The following KRT86 variants were observed in gnomAD, a reference collection of about 807,000 sequenced individuals.
KRT86 encodes the protein keratin, type II cuticular Hb6.
In KRT86, 30 loss-of-function variants were observed where a neutral mutation model predicts 41.2. The ratio of observed to expected loss-of-function variants is 0.73; its 90% CI spans 0.54 to 0.99. The LOEUF (loss-of-function observed/expected upper bound fraction) is 0.99. Ranked by LOEUF, KRT86 falls within the 50% of genes least tolerant of loss-of-function variation. The probability of loss-of-function intolerance (pLI) is 0.00; values close to 1 mark genes in which losing one functional copy is unlikely to be tolerated. For missense variants in KRT86, 561 were observed against 571.4 expected, an observed-to-expected ratio of 0.98 and a Z score of 0.19; for synonymous variants, 238 against 238.1, an observed-to-expected ratio of 1.00 and a Z score of 0.00.
intron 3 of KRT86, among the ~76,000 whole-genome samples, chr12:52,302,845 G>A (rs1256500448): frequency 2.9e-5 from 4 of 139,502 alleles, no homozygotes; most frequent in South Asian, 2.3e-4. Flanking sequence ...GGGGGGTGGG[G>A]GGGGGGTCAC....
At chr12:52,305,811 G>A (rs1223357925) in intron 8 of KRT86, 23 bp downstream of exon 8, 3 of 1,613,958 alleles carry the variant, frequency 1.9e-6, no homozygotes, top group Non-Finnish European at 2.5e-6. Context: ...TGTGCCCAAG[G>A]TCAGAGAGAC....
chr12:52,301,988 C>A lies in KRT86; in HGVS notation c.72C>A (p.Arg24=), dbSNP rs1938392560. ...CGGCCTGCGGGCCCCGGCCCGGCCG[C>A]TGCTGCATCACCGCCGCCCCCTACC... ...CISACGPRPG[R]CCITAAPYRG... is the part of the protein sequence containing the mutation. The change falls in exon 3 of 11, where the codon CGC becomes CGA. Residue 24 remains arginine (R), a synonymous_variant. Transcript: ENST00000423955. 1.2e-6 allele frequency: 2 copies of A among 1,613,084 alleles called. No individual in the cohort carries two copies. The highest frequency in any genetic ancestry group is 3.3e-5 in the Admixed American group (2 of 59,958).
At chr12:52,294,093 C>A (rs1169148311) in intron 2 of KRT86, among the ~76,000 whole-genome samples, 2 of 152,198 alleles carry the variant, frequency 1.3e-5, no homozygotes, top group African/African-American at 4.8e-5. Flanking sequence ...CCTGCTGTCC[C>A]TTTGTGAGTT....
intron 2 of KRT86, among the ~76,000 whole-genome samples, chr12:52,298,998 A>G (rs1331283925): frequency 6.6e-6 from 1 of 152,204 alleles, no homozygotes; most frequent in African/African-American, 2.4e-5. Context: ...GAAATACACA[A>G]TAAATGATTA....
In KRT86 at chr12:52,308,507, CGTG is replaced by C. The variant is rs1938570445; in HGVS notation, c.1391_1393del (p.Val464del). The C allele has an allele frequency of 6.2e-7, 1 of 1,607,190 alleles. No individual in the cohort carries two copies. Among genetic ancestry groups the C allele is most frequent in the African/African-American group, 1.3e-5 (1 of 74,944 alleles). Reference sequence around the variant, plus strand: ...TCAGTAGCGTCCCCAGCAACAGCAACGTGGTGGTGGGCACTACTAACGCCTGCG... The same window carrying C: ...TCAGTAGCGTCCCCAGCAACAGCAACGTGGTGGGCACTACTAACGCCTGCG... On this transcript the variant is annotated inframe_deletion, in exon 11 of 11. Coordinates refer to ENST00000423955, the MANE Select transcript of KRT86 (RefSeq NM_001320198.2).
At chr12:52,298,623 G>T (rs1044207349) in intron 2 of KRT86, among the ~76,000 whole-genome samples, 1 of 152,148 alleles carries the variant, frequency 6.6e-6, no homozygotes, top group African/African-American at 2.4e-5. Flanking sequence ...TATGAGGTGG[G>T]TACTATTATT....
chr12:52,282,275 C>A (rs186878044), intron 2 of KRT86, among the ~76,000 whole-genome samples: 5 of 151,330 alleles, frequency 3.3e-5, no homozygotes, highest in African/African-American at 1.2e-4. Context: ...CTCTGTCGCC[C>A]AGGCTGGACT....
chr12:52,288,793 G>T (rs2078034373), intron 2 of KRT86, among the ~76,000 whole-genome samples: 1 of 151,974 alleles, frequency 6.6e-6, no homozygotes, highest in Non-Finnish European at 1.5e-5. Context: ...TGCTCCAAGA[G>T]CCCAGTGGCT....
At chr12:52,287,887 T>G (rs1252427285) in intron 2 of KRT86, 1 of 1,607,974 alleles carries the variant, frequency 6.2e-7, no homozygotes, top group Non-Finnish European at 8.5e-7. Context: ...TTCTCATCCC[T>G]AGGGACCAGC....
chr12:52,301,736 G>A (rs999372696), intron 2 of KRT86, 177 bp from the exon 3 acceptor site: 10 of 1,202,924 alleles, frequency 8.3e-6, no homozygotes, highest in Non-Finnish European at 1.2e-5. Flanking sequence ...GGGAGCGACA[G>A]CAGCTAAACA....
At chr12:52,287,752 A>T (rs1937999799) in intron 2 of KRT86, 2 of 1,614,040 alleles carry the variant, frequency 1.2e-6, no homozygotes, top group Non-Finnish European at 1.7e-6. Flanking sequence ...CATGAGGTTC[A>T]GGGTGGGACC....
chr12:52,282,504 G>A (rs1182643061), intron 2 of KRT86, among the ~76,000 whole-genome samples: 1 of 152,220 alleles, frequency 6.6e-6, no homozygotes, highest in African/African-American at 2.4e-5. Flanking sequence ...CCAAAGTGCT[G>A]GGATTACAGG....
intron 2 of KRT86, among the ~76,000 whole-genome samples, chr12:52,282,926 T>G (rs1290655281): frequency 6.6e-6 from 1 of 152,228 alleles, no homozygotes; most frequent in Non-Finnish European, 1.5e-5. Flanking sequence ...TCCACACAGG[T>G]GCCTGGAATG....
In KRT86 at chr12:52,296,455, A is replaced by C. The variant is rs377677640; in HGVS notation, c.-4-5458A>C. ...TAATGAACCCTCACAGGGCAGGGAC[A>C]TGGGGCGAGGGAGGTGCAGGCACCC... On this transcript the variant is annotated intron_variant, in intron 2 of 10. Transcript: ENST00000423955. Among the ~76,000 whole-genome samples the C allele has an allele frequency of 3.9e-5, 6 of 152,152 alleles. No homozygotes were observed. In the South Asian group the frequency reaches 6.2e-4, roughly 16 times the overall value.
At chr12:52,283,051 T>C (rs913388424) in intron 2 of KRT86, among the ~76,000 whole-genome samples, 4 of 152,202 alleles carry the variant, frequency 2.6e-5, no homozygotes, top group Admixed American at 6.5e-5. Flanking sequence ...GCATGAAACC[T>C]GGACTCCCCA....
rs1458895540 is a variant in KRT86, at chr12:52,305,274, C to T, written c.770C>T (p.Thr257Ile). The T allele has an allele frequency of 6.2e-7, 1 of 1,614,244 alleles. No homozygotes were observed. The highest frequency in any genetic ancestry group is 1.1e-5 in the South Asian group (1 of 91,088). ...GTTCTCCAGTCCCACATCTCAGACA[C>T]CTCCGTGGTTGTCAAGCTGGACAAC... The part of the protein sequence containing the change: ...IRVLQSHISD[T>I]SVVVKLDNSR... The change falls in exon 7 of 11, where the codon ACC becomes ATC. Residue 257 changes from threonine to isoleucine, a missense_variant. This residue lies in a region of KRT86 where 397 missense variants were observed against 375.9 expected (regional missense o/e 1.06). Coordinates refer to ENST00000423955, the MANE Select transcript of KRT86 (RefSeq NM_001320198.2).
At chr12:52,291,379 G>A (rs202176338) in intron 2 of KRT86, 119 of 1,605,070 alleles carry the variant, frequency 7.4e-5, no homozygotes, top group Non-Finnish European at 9.0e-5. Flanking sequence ...GGTAGGGGGC[G>A]GCGGTGATGC....
At chr12:52,305,155 C>T (rs1938476034) in intron 6 of KRT86, 85 bp from the exon 7 acceptor site, 4 of 1,609,858 alleles carry the variant, frequency 2.5e-6, no homozygotes, top group Non-Finnish European at 2.5e-6. Flanking sequence ...GGGTTGGGGA[C>T]CAGAGAAAGC....
At chr12:52,285,934 A>G (rs1937914173) in intron 2 of KRT86, 1 of 419,740 alleles carries the variant, frequency 2.4e-6, no homozygotes, top group African/African-American at 2.0e-5. Flanking sequence ...AATTTATTGA[A>G]ACACAGATCA....
Sources: gnomAD v4.1 joint callset for allele counts (sites outside exome capture counted in the v4.1 genomes callset) on GRCh38, gnomAD v4.1.1 for gene constraint, gnomAD v4.1.1 regional missense constraint, MANE v1.5 for transcripts, NCBI Gene and HGNC (gene_info 2026-07-23, HGNC 2026-07-21) for gene names.